The following ESR1 variants were observed in gnomAD, a reference collection of about 807,000 sequenced individuals.
The protein encoded by ESR1 is estrogen receptor 1, also known as estrogen receptor.
A neutral mutation model predicts 52.7 loss-of-function variants in ESR1; 12 were observed. The observed-to-expected ratio is 0.23, with a 90% CI of 0.15 to 0.37. The LOEUF is 0.37. Ranked by LOEUF, ESR1 falls within the 10% of genes least tolerant of loss-of-function variation. The probability of loss-of-function intolerance (pLI) is 1.00; values close to 1 mark genes in which losing one functional copy is unlikely to be tolerated. For synonymous variants in ESR1, 305 were observed against 316.8 expected (o/e 0.96, Z 0.39); for missense variants, 584 against 779.7 (o/e 0.75, Z 2.99).
At chr6:151,850,079 AT>A (rs1431263096) in intron 2 of ESR1, among the ~76,000 whole-genome samples, 1,256 of 60,346 alleles carry the variant, frequency 0.021, 56 homozygotes, top group African/African-American at 0.089. Context: ...TATATAAAAA[AT>A]TATATATATA....
At chr6:151,731,729 G>C (rs968876491) in intron 2 of ESR1, among the ~76,000 whole-genome samples, 1 of 152,096 alleles carries the variant, frequency 6.6e-6, no homozygotes, top group African/African-American at 2.4e-5. Context: ...CAGGGTCTTT[G>C]GTTTCTAATA....
At position 151,929,107 on chromosome 6, in the gene ESR1, G is replaced by A. The variant is rs1450174741; in HGVS notation, c.761-15066G>A. Among the ~76,000 whole-genome samples, 8 of 152,260 alleles carry A rather than the reference G, an allele frequency of 5.3e-5. No homozygotes were observed. In the South Asian group the frequency reaches 1.7e-3, roughly 32 times the overall value. Reference sequence around the variant, plus strand: ...CATACCGTTTAGGTCAACTATATCTGTATTAATTTTCTGCCTGCTTGCACT... The same window carrying A: ...CATACCGTTTAGGTCAACTATATCTATATTAATTTTCTGCCTGCTTGCACT... On this transcript the variant is annotated intron_variant, in intron 3 of 7. Coordinates refer to ENST00000206249, the MANE Select transcript of ESR1 (RefSeq NM_000125.4).
At chr6:151,847,869 T>C (rs1355970109) in intron 2 of ESR1, among the ~76,000 whole-genome samples, 2 of 151,852 alleles carry the variant, frequency 1.3e-5, no homozygotes, top group Non-Finnish European at 2.9e-5. Context: ...TTTTTATGGT[T>C]TTAGTTGGTG....
intron 6 of ESR1, among the ~76,000 whole-genome samples, chr6:152,115,261 A>G (rs2051197023): frequency 6.6e-6 from 1 of 152,194 alleles, no homozygotes; most frequent in African/African-American, 2.4e-5. Flanking sequence ...ATTTCATTTT[A>G]TAAAAATAGT....
chr6:151,681,541 C>A (rs975264364), intron 1 of ESR1, among the ~76,000 whole-genome samples: 1 of 152,046 alleles, frequency 6.6e-6, no homozygotes, highest in Admixed American at 6.6e-5. Flanking sequence ...AAACTGGAAG[C>A]TGTTCTTGGA....
At chr6:152,097,046 AC>A (rs2050665500) in intron 7 of ESR1, among the ~76,000 whole-genome samples, 1 of 152,180 alleles carries the variant, frequency 6.6e-6, no homozygotes, top group African/African-American at 2.4e-5. Context: ...TTTACTGGCC[AC>A]GTCTGGCAGA....
chr6:152,098,986 C>A lies in ESR1; in HGVS notation c.*20C>A, dbSNP rs114409231. On this transcript the variant is annotated 3_prime_UTR_variant, in exon 8 of 8. Coordinates refer to ENST00000206249, the MANE Select transcript of ESR1 (RefSeq NM_000125.4). The surrounding 1 kb of genome is among the most constrained non-coding windows in gnomAD (Gnocchi z 5.1). ...GTCTGAGAGCTCCCTGGCTCCCACA[C>A]GGTTCAGATAATCCCTGCTGCATTT... is the stretch of plus-strand genomic sequence containing the variant. 6.3e-7 allele frequency: 1 copy of A among 1,592,632 alleles called. No individual in the cohort carries two copies. The highest frequency in any genetic ancestry group is 8.6e-7 in the Non-Finnish European group (1 of 1,160,936).
chr6:151,964,835 A>G (rs1584511006), intron 4 of ESR1, among the ~76,000 whole-genome samples: 1 of 151,976 alleles, frequency 6.6e-6, no homozygotes, highest in East Asian at 1.9e-4. Context: ...GTACAGACGG[A>G]GTTTCACTGT....
intron 1 of ESR1, among the ~76,000 whole-genome samples, chr6:151,812,169 C>A (rs962134397): frequency 1.3e-5 from 2 of 151,994 alleles, no homozygotes; most frequent in Admixed American, 6.6e-5. Context: ...GCCAGACTTA[C>A]CATTAATGAA....
At chr6:152,119,933 G>A (rs73625125) in intron 6 of ESR1, among the ~76,000 whole-genome samples, 4 of 152,174 alleles carry the variant, frequency 2.6e-5, no homozygotes, top group Admixed American at 6.5e-5. Flanking sequence ...CTACTTCTTC[G>A]AAGGTTCTGT....
At chr6:151,956,377 A>G (rs925061088) in intron 4 of ESR1, among the ~76,000 whole-genome samples, 1 of 152,174 alleles carries the variant, frequency 6.6e-6, no homozygotes, top group Non-Finnish European at 1.5e-5. Flanking sequence ...CAGTTATTTC[A>G]TGAGGAATAT....
At chr6:151,923,575 T>C (rs1207704523) in intron 3 of ESR1, among the ~76,000 whole-genome samples, 1 of 152,234 alleles carries the variant, frequency 6.6e-6, no homozygotes, top group African/African-American at 2.4e-5. Context: ...ATTGAAATCA[T>C]ACAATATGTA....
At chr6:151,955,262 C>G (rs1224402624) in intron 4 of ESR1, among the ~76,000 whole-genome samples, 1 of 152,062 alleles carries the variant, frequency 6.6e-6, no homozygotes, top group African/African-American at 2.4e-5. Context: ...ACTTAACATA[C>G]CATAGAAGCA....
chr6:151,873,187 C>T (rs1791263124), intron 2 of ESR1, among the ~76,000 whole-genome samples: 1 of 152,200 alleles, frequency 6.6e-6, no homozygotes, highest in Non-Finnish European at 1.5e-5. Flanking sequence ...TGTTAGAATG[C>T]ATAAGAGTTC....
intron 3 of ESR1, among the ~76,000 whole-genome samples, chr6:151,898,146 T>C (rs1364897548): frequency 2.0e-5 from 3 of 152,214 alleles, no homozygotes; most frequent in African/African-American, 7.2e-5. Context: ...ATCTTAACTT[T>C]AGATAACCTT....
intron 5 of ESR1, among the ~76,000 whole-genome samples, chr6:152,015,854 G>A (rs1018353181): frequency 5.9e-5 from 9 of 152,052 alleles, no homozygotes; most frequent in African/African-American, 2.2e-4. Flanking sequence ...AATTTCAAAT[G>A]GGGAAAAGCA....
intron 3 of ESR1, among the ~76,000 whole-genome samples, chr6:151,912,213 G>A (rs761540401): frequency 6.6e-5 from 10 of 152,200 alleles, no homozygotes; most frequent in South Asian, 2.1e-4. Context: ...AGCATTCAGC[G>A]TGTCTGATAG....
intron 2 of ESR1, among the ~76,000 whole-genome samples, chr6:151,753,483 A>G (rs777867527): frequency 6.6e-6 from 1 of 151,988 alleles, no homozygotes; most frequent in Admixed American, 6.6e-5. Flanking sequence ...ACTCCTGGCT[A>G]ATTTTTGTAT....
chr6:151,711,599 T>C (rs911842175), intron 2 of ESR1, among the ~76,000 whole-genome samples: 8 of 152,232 alleles, frequency 5.3e-5, no homozygotes, highest in Non-Finnish European at 1.0e-4. Flanking sequence ...TGCATTTCTC[T>C]AATGACCAGT....
Sources: allele counts gnomAD v4.1 joint callset (sites outside exome capture counted in the v4.1 genomes callset), GRCh38; gene constraint gnomAD v4.1.1; non-coding constraint Gnocchi (gnomAD v3.1); transcripts MANE v1.5; gene names NCBI Gene and HGNC (gene_info 2026-07-23, HGNC 2026-07-21).